Variants in FAIM2 observed in about 807,000 individuals in gnomAD.
FAIM2 encodes Fas apoptotic inhibitory molecule 2.
FAIM2 carries 27 observed loss-of-function variants against 47.4 expected under a neutral mutation model. That is an observed-to-expected ratio of 0.57 (90% CI 0.42 to 0.78). The LOEUF (loss-of-function observed/expected upper bound fraction) is 0.78. Ranked by LOEUF, FAIM2 falls within the 30% of genes least tolerant of loss-of-function variation. The pLI is 0.00. For missense variants in FAIM2, 311 were observed against 389.4 expected (o/e 0.80, Z 1.69); for synonymous variants, 156 against 159.3 (o/e 0.98, Z 0.16).
At chr12:49,883,395 T>G (rs1946839807) in intron 11 of FAIM2, among the ~76,000 whole-genome samples, 1 of 148,108 alleles carries the variant, frequency 6.8e-6, no homozygotes, top group South Asian at 2.2e-4. Context: ...TGGGGCGTGA[T>G]GTAGGGGGTG....
intron 11 of FAIM2, among the ~76,000 whole-genome samples, chr12:49,886,599 C>T (rs770374475): frequency 4.6e-5 from 7 of 152,090 alleles, no homozygotes; most frequent in Non-Finnish European, 8.8e-5. Flanking sequence ...CCTCAGCCTC[C>T]GGAGTAGCTG....
intron 10 of FAIM2, among the ~76,000 whole-genome samples, chr12:49,888,125 A>T (rs1946874454): frequency 1.3e-5 from 2 of 152,072 alleles, no homozygotes; most frequent in African/African-American, 2.4e-5. Context: ...CATCAACCAG[A>T]CCTGGGTCAA....
rs1250508479 is a variant in FAIM2 at position 49,889,637 on chromosome 12, G to A, written c.564-69C>T. The A allele has an allele frequency of 3.1e-6, 4 of 1,309,062 alleles. No individual in the cohort carries two copies. The Middle Eastern group carries it at 5.5e-4, about 179-fold the overall frequency. 81.1% of individuals were successfully genotyped at this position (1,309,062 alleles called of 1,614,324 possible). ...CTGGTCTCCCCCACCCTCCTAGCAG[G>A]CCCCTCTCTTCTGCCAGGACCTGGT... On this transcript the variant is annotated intron_variant, in intron 8 of 11. Transcript: ENST00000320634.
rs201183234 is a variant in FAIM2, at chr12:49,897,590, G to A, written c.316-7C>T. 1.1e-5 allele frequency: 18 copies of A among 1,612,646 alleles called. No homozygotes were observed. The Middle Eastern group carries it at 6.6e-4, about 59-fold the overall frequency. On this transcript the variant is annotated splice_region_variant and splice_polypyrimidine_tract_variant and intron_variant, in intron 3 of 11. Transcript: ENST00000320634. ...TCAGCAGGATGGTGTAGACCTGGGG[G>A]TGGGAGGGGTTCTACTCAGCTTGGG...
intron 11 of FAIM2, among the ~76,000 whole-genome samples, chr12:49,880,757 C>T (rs1404673331): frequency 3.4e-5 from 5 of 148,502 alleles, no homozygotes; most frequent in Non-Finnish European, 7.5e-5. Flanking sequence ...TGTGTGTGCG[C>T]ATGTGGGTAT....
chr12:49,878,101 TGC>T lies in FAIM2; in HGVS notation c.802-7450_802-7449del, dbSNP rs549608387. Among the ~76,000 whole-genome samples the T allele has an allele frequency of 1.0e-3, 139 of 134,522 alleles. 1 individual carries two copies. The highest frequency in any genetic ancestry group is 3.5e-3 in the African/African-American group (124 of 35,044). The allele number at this position is 134,522 out of a possible 152,430, so 88.3% of individuals were successfully genotyped here. A position where few individuals can be genotyped will look rare whatever the true frequency, so the allele number is the denominator to read the frequency against. ...ATGTGTGCATGTGAGTGCATGTGTG[TGC>T]ATGTGTGTATGTGGGTATGTGTGCA... On this transcript the variant is annotated intron_variant, in intron 11 of 11. Coordinates refer to ENST00000320634, the MANE Select transcript of FAIM2 (RefSeq NM_012306.4).
rs756334795 is a variant in FAIM2 at position 49,898,110 on chromosome 12, G to A, written c.212-20C>T. 8 of 1,585,592 alleles carry A rather than the reference G, an allele frequency of 5.0e-6. No individual in the cohort carries two copies. In the African/African-American group the frequency reaches 5.4e-5, roughly 11 times the overall value. On this transcript the variant is annotated intron_variant, in intron 2 of 11. Transcript: ENST00000320634. ...TGCTGCCTGTGTGGCACGTGGAGGA[G>A]GAGGACATGAGGGTTCCCCCTACAT...
chr12:49,888,997 G>A, intron 10 of FAIM2, 110 bp downstream of exon 10: 1 of 782,862 alleles, frequency 1.3e-6, no homozygotes. Flanking sequence ...ATGGCAGGCT[G>A]TGGGGCCTTG....
At chr12:49,903,683 G>A (rs1946996814) in intron 1 of FAIM2, 95 bp downstream of exon 1, 2 of 1,466,134 alleles carry the variant, frequency 1.4e-6, no homozygotes, top group Non-Finnish European at 1.9e-6. Context: ...AGGGCCAGGG[G>A]AGGATGCTTT....
At chr12:49,897,675 C>G in intron 3 of FAIM2, 92 bp from the exon 4 acceptor site, 1 of 879,642 alleles carries the variant, frequency 1.1e-6, no homozygotes, top group South Asian at 1.6e-5. Context: ...AGGTCCCCAT[C>G]CTGTGCACTC....
intron 11 of FAIM2, among the ~76,000 whole-genome samples, chr12:49,882,507 A>G (rs541488539): frequency 6.6e-6 from 1 of 152,292 alleles, no homozygotes; most frequent in East Asian, 1.9e-4. Context: ...CTGCAGATGA[A>G]CACGGCAGGG....
chr12:49,888,059 C>T (rs577657142), intron 10 of FAIM2, among the ~76,000 whole-genome samples: 18 of 152,312 alleles, frequency 1.2e-4, no homozygotes, highest in African/African-American at 3.8e-4. Flanking sequence ...CAGGAGGCAC[C>T]GCACTAGGGC....
At chr12:49,870,696 G>T in intron 11 of FAIM2, 43 bp from the exon 12 acceptor site, 1 of 1,601,070 alleles carries the variant, frequency 6.2e-7, no homozygotes, top group Non-Finnish European at 8.5e-7. Flanking sequence ...AGAGGCCCAG[G>T]CAGTGTGACA....
chr12:49,897,490 G>A, intron 4 of FAIM2, 29 bp downstream of exon 4: 1 of 1,607,478 alleles, frequency 6.2e-7, no homozygotes. Context: ...GTCATCCCTG[G>A]AAGGTGCTGG....
At chr12:49,898,190 C>G in intron 2 of FAIM2, 100 bp from the exon 3 acceptor site, 1 of 832,212 alleles carries the variant, frequency 1.2e-6, no homozygotes, top group Non-Finnish European at 2.1e-6. Flanking sequence ...GTCAACCTGG[C>G]TCTCTGGACC....
chr12:49,898,195 T>A, intron 2 of FAIM2, 105 bp from the exon 3 acceptor site: 1 of 809,898 alleles, frequency 1.2e-6, no homozygotes, highest in Non-Finnish European at 2.1e-6. Context: ...CCTGGCTCTC[T>A]GGACCCTGAA....
intron 11 of FAIM2, among the ~76,000 whole-genome samples, chr12:49,878,919 TG>T (rs1946772450): frequency 7.3e-6 from 1 of 136,442 alleles, no homozygotes; most frequent in Admixed American, 8.2e-5. Flanking sequence ...TGTGAGTGCA[TG>T]TGTGTATATG....
intron 11 of FAIM2, among the ~76,000 whole-genome samples, chr12:49,880,602 G>A (rs1946814196): frequency 1.4e-5 from 2 of 140,998 alleles, no homozygotes; most frequent in South Asian, 4.6e-4. Context: ...ATGTGTATGT[G>A]TGTGCATGTG....
At chr12:49,879,804 GAC>G (rs1565614370) in intron 11 of FAIM2, among the ~76,000 whole-genome samples, 25 of 151,212 alleles carry the variant, frequency 1.7e-4, no homozygotes, top group Admixed American at 7.9e-4. Context: ...GTGTGCATAC[GAC>G]TGTGTATGTG....
Sources: gnomAD v4.1 joint callset for allele counts (sites outside exome capture counted in the v4.1 genomes callset) on GRCh38, gnomAD v4.1.1 for gene constraint, MANE v1.5 for transcripts, NCBI Gene and HGNC (gene_info 2026-07-23, HGNC 2026-07-21) for gene names.